RNF6: variants seen among roughly 807,000 people sequenced by gnomAD.
RNF6 encodes the protein E3 ubiquitin-protein ligase RNF6.
A neutral mutation model predicts 50.1 loss-of-function variants in RNF6; 21 were observed. The ratio of observed to expected loss-of-function variants is 0.42; its 90% CI spans 0.30 to 0.60. RNF6 has a LOEUF of 0.60. Among genes scored for constraint, RNF6 ranks in the 20% least tolerant of loss-of-function variants. The pLI is 0.20. For synonymous variants in RNF6, 255 were observed against 291.8 expected, an observed-to-expected ratio of 0.87 and a Z score of 1.29; for missense variants, 698 against 838.2, an observed-to-expected ratio of 0.83 and a Z score of 2.07.
chr13:26,141,258 T>C (rs143339510), intron 5 of RNF6, among the ~76,000 whole-genome samples: 544 of 152,064 alleles, frequency 3.6e-3, no homozygotes, highest in Non-Finnish European at 6.1e-3. Context: ...TGATACCCCA[T>C]CTCTACTAAA....
chr13:26,158,046 A>T (rs559191379), intron 5 of RNF6, among the ~76,000 whole-genome samples: 2 of 152,160 alleles, frequency 1.3e-5, no homozygotes, highest in Non-Finnish European at 2.9e-5. Context: ...ACGGATAGCT[A>T]GAAAGACAAA....
chr13:26,135,402 G>A (rs532623821), intron 5 of RNF6: 3 of 152,168 alleles, frequency 2.0e-5, no homozygotes, highest in African/African-American at 7.2e-5. Flanking sequence ...TATCTGGTGA[G>A]GATAAATTAC....
At position 26,215,066 on chromosome 13, in the gene RNF6, C is replaced by T; in HGVS notation, c.816G>A (p.Gly272=). The change falls in exon 5 of 5, where the codon GGG becomes GGA. Residue 272 remains glycine (G), a synonymous_variant. Transcript: ENST00000381588. The part of the protein sequence containing the change: ...SGGSELRQRE[G]QRFGAAHVWE... The stretch of plus-strand genomic sequence containing the variant: ...AAACATGTGCTGCTCCAAACCGTTG[C>T]CCCTCCCTTTGCCTGAGTTCACTAC... The T allele has an allele frequency of 6.2e-7, 1 of 1,614,194 alleles. No homozygotes were observed. Among genetic ancestry groups the T allele is most frequent in the Non-Finnish European group, 8.5e-7 (1 of 1,180,028 alleles).
Position 26,213,849 on chromosome 13 carries a change from C to G in RNF6, c.2033G>C (p.Gly678Ala). ...TTACCCATTGTTTGCTATGTTAGAC[C>G]CTAAAACAGGCTGCCGACAGATCGG... ...TCPICRQPVLGSNIANNG is the reference protein window; with the variant it reads ...TCPICRQPVLASNIANNG Residue 678 changes from glycine to alanine, a missense_variant, in exon 5 of 5, where the codon GGG becomes GCG. By Grantham distance (60) the Gly-to-Ala change is moderately conservative. Transcript: ENST00000381588. 1 of 1,612,400 alleles carries G rather than the reference C, an allele frequency of 6.2e-7. No individual in the cohort carries two copies. The highest frequency in any genetic ancestry group is 1.7e-5 in the Admixed American group (1 of 59,950).
chr13:26,215,665 G>A (rs888373295), intron 4 of RNF6, 73 bp from the exon 5 acceptor site: 25 of 1,262,880 alleles, frequency 2.0e-5, no homozygotes, highest in Admixed American at 1.1e-4. Flanking sequence ...AAACTTGTAA[G>A]AAAAACAAAG....
chr13:26,142,895 A>G (rs2137560014), intron 5 of RNF6, among the ~76,000 whole-genome samples: 1 of 152,298 alleles, frequency 6.6e-6, no homozygotes, highest in African/African-American at 2.4e-5. Context: ...ATCACAATCA[A>G]CACAGCTTAT....
intron 5 of RNF6, among the ~76,000 whole-genome samples, chr13:26,168,839 C>T (rs1028723491): frequency 2.0e-5 from 3 of 152,160 alleles, no homozygotes; most frequent in African/African-American, 4.8e-5. Context: ...CCTATCTCTA[C>T]AAAAAATTTA....
intron 5 of RNF6, among the ~76,000 whole-genome samples, chr13:26,175,446 C>T (rs1394090705): frequency 6.6e-6 from 1 of 152,138 alleles, no homozygotes; most frequent in Non-Finnish European, 1.5e-5. Flanking sequence ...GCCCCCATGA[C>T]CCCAGGCACA....
intron 5 of RNF6, among the ~76,000 whole-genome samples, chr13:26,166,677 T>C (rs1872465808): frequency 6.6e-6 from 1 of 152,172 alleles, no homozygotes; most frequent in African/African-American, 2.4e-5. Flanking sequence ...AATGACACTT[T>C]GGGAGGCTGA....
downstream of RNF6, among the ~76,000 whole-genome samples, chr13:26,209,341 G>A (rs1869225645): frequency 6.6e-6 from 1 of 152,224 alleles, no homozygotes; most frequent in South Asian, 2.1e-4. Context: ...GCAACAAAGA[G>A]AATGCTCATG....
Position 26,180,835 on chromosome 13 carries a change from G to A in RNF6, n.768+34639C>T, listed in dbSNP as rs942716907. Among the ~76,000 whole-genome samples the A allele has an allele frequency of 2.6e-5, 4 of 152,332 alleles. No homozygotes were observed. In the East Asian group the frequency reaches 5.8e-4, roughly 22 times the overall value. The stretch of plus-strand genomic sequence containing the variant: ...CCAGTCACCACCTGCTGCCACTGCT[G>A]TGCCAATATTCACCAATGTGTTGTC... On this transcript the variant is annotated intron_variant and non_coding_transcript_variant, in intron 5 of 5. Transcript: ENST00000468480.
chr13:26,186,999 G>T (rs986440777), intron 5 of RNF6, among the ~76,000 whole-genome samples: 2 of 152,052 alleles, frequency 1.3e-5, no homozygotes, highest in African/African-American at 4.8e-5. Flanking sequence ...GGATGGTCTC[G>T]ATCTCCTGAC....
downstream of RNF6, among the ~76,000 whole-genome samples, chr13:26,211,617 G>A (rs1869327824): frequency 1.3e-5 from 2 of 152,112 alleles, no homozygotes; most frequent in African/African-American, 4.8e-5. Context: ...AATTCGCCGG[G>A]CGTGGTGGCG....
At chr13:26,154,473 A>G (rs1268545585) in intron 5 of RNF6, among the ~76,000 whole-genome samples, 1 of 152,246 alleles carries the variant, frequency 6.6e-6, no homozygotes, top group Admixed American at 6.5e-5. Context: ...AAAGGGGAAG[A>G]TGACAAAGAG....
chr13:26,175,533 T>C (rs1020249079), intron 5 of RNF6, among the ~76,000 whole-genome samples: 2 of 152,190 alleles, frequency 1.3e-5, no homozygotes, highest in African/African-American at 4.8e-5. Flanking sequence ...CTGATTGCAC[T>C]TCCTAAGGTA....
chr13:26,194,149 A>G (rs771765711), intron 5 of RNF6, among the ~76,000 whole-genome samples: 19 of 152,216 alleles, frequency 1.2e-4, no homozygotes, highest in Non-Finnish European at 2.5e-4. Flanking sequence ...AGAACGGTCA[A>G]TATACACAGA....
In RNF6 at chr13:26,149,870, G is replaced by A. The variant is rs28452974; in HGVS notation, n.769-17419C>T. 8.0e-3 allele frequency among the ~76,000 whole-genome samples: 590 copies of A among 73,892 alleles called. 30 individuals are homozygous for A. The highest frequency in any genetic ancestry group is 0.022 in the Middle Eastern group (3 of 136). 48.5% of individuals were successfully genotyped at this position (73,892 alleles called of 152,430 possible). On this transcript the variant is annotated intron_variant and non_coding_transcript_variant, in intron 5 of 5. Coordinates refer to the RNF6 transcript ENST00000468480. ...CACAGTGTATATATAATGTGTGTGTGTATATATATATATATATATATATAC... is the reference window on the plus strand; with the variant it reads ...CACAGTGTATATATAATGTGTGTGTATATATATATATATATATATATATAC...
intron 5 of RNF6, among the ~76,000 whole-genome samples, chr13:26,199,477 A>T (rs1298876389): frequency 6.6e-6 from 1 of 152,186 alleles, no homozygotes; most frequent in African/African-American, 2.4e-5. Flanking sequence ...ATAGCCAAAG[A>T]TTCTTAGGTA....
intron 5 of RNF6, among the ~76,000 whole-genome samples, chr13:26,188,861 C>T (rs1021567448): frequency 1.3e-5 from 2 of 151,692 alleles, no homozygotes; most frequent in African/African-American, 4.8e-5. Context: ...ATCTCTTGAC[C>T]TCGTGATCTG....
Sources: gnomAD v4.1 joint callset for allele counts (sites outside exome capture counted in the v4.1 genomes callset) on GRCh38, gnomAD v4.1.1 for gene constraint, MANE v1.5 for transcripts, NCBI Gene and HGNC (gene_info 2026-07-23, HGNC 2026-07-21) for gene names.